The following GSN variants were observed in gnomAD, a reference collection of about 807,000 sequenced individuals.
The protein encoded by GSN is gelsolin.
In GSN, 56 loss-of-function variants were observed where a neutral mutation model predicts 85.7. The observed-to-expected ratio is 0.65, with a 90% CI of 0.53 to 0.82. The LOEUF (loss-of-function observed/expected upper bound fraction) is 0.82, where lower values mean the gene tolerates loss of function less well. Ranked by LOEUF, GSN falls within the 40% of genes least tolerant of loss-of-function variation. The probability of loss-of-function intolerance (pLI) is 0.00; values close to 1 mark genes in which losing one functional copy is unlikely to be tolerated. For missense variants in GSN, 857 were observed against 979.8 expected (o/e 0.87, Z 1.67); for synonymous variants, 373 against 399.1 (o/e 0.93, Z 0.78).
chr9:121,278,849 C>CT (rs1464462509), intron 1 of GSN, among the ~76,000 whole-genome samples: 1 of 152,226 alleles, frequency 6.6e-6, no homozygotes, highest in Non-Finnish European at 1.5e-5. Context: ...AACTCAGCTC[C>CT]TGGGGTGTGT....
chr9:121,215,221 C>A (rs1030511933), intron 4 of GSN, among the ~76,000 whole-genome samples: 2 of 150,200 alleles, frequency 1.3e-5, no homozygotes, highest in Non-Finnish European at 3.0e-5. Flanking sequence ...AAGGACCCCC[C>A]CCCCCACACT....
At chr9:121,273,556 T>C (rs1022097822) in intron 1 of GSN, among the ~76,000 whole-genome samples, 1 of 152,200 alleles carries the variant, frequency 6.6e-6, no homozygotes, top group East Asian at 1.9e-4. Flanking sequence ...TGTTCATAAC[T>C]AACCAGAGAA....
At chr9:121,283,341 A>G (rs571688554) in intron 2 of GSN, 1 of 150,584 alleles carries the variant, frequency 6.6e-6, no homozygotes, top group East Asian at 2.0e-4. Context: ...TGTGGTGCCC[A>G]GGCTGGAGTG....
In GSN at chr9:121,299,068, A is replaced by T. The variant is rs1205083131; in HGVS notation, c.-9-2895A>T. 6.6e-6 allele frequency among the ~76,000 whole-genome samples: 1 copy of T among 152,246 alleles called. No homozygotes were observed. On this transcript the variant is annotated intron_variant, in intron 2 of 17. Coordinates refer to ENST00000432226, the MANE Select transcript of GSN (RefSeq NM_198252.3). This position sits in a 1 kb window ranked among gnomAD's most constrained non-coding sequence, Gnocchi z 4.2. ...GAACCATCAGCTAAAAGAGGTAGAT[A>T]GCAGTGGTTGCCCCTGGGGAGAGGT...
At chr9:121,207,622 T>C (rs892822756), upstream of GSN, among the ~76,000 whole-genome samples, 1 of 152,170 alleles carries the variant, frequency 6.6e-6, no homozygotes, top group African/African-American at 2.4e-5. Context: ...GGATTTTTTG[T>C]ATTGTAGAAT....
At chr9:121,317,491 A>C (rs1402831760) in intron 8 of GSN, 1 of 455,698 alleles carries the variant, frequency 2.2e-6, no homozygotes, top group Non-Finnish European at 4.1e-6. Context: ...GCTAATTGGC[A>C]TCCTGTAGAA....
intron 2 of GSN, among the ~76,000 whole-genome samples, chr9:121,297,287 G>A (rs1368252136): frequency 1.3e-5 from 2 of 152,046 alleles, no homozygotes; most frequent in African/African-American, 4.8e-5. Context: ...AGTATATTAA[G>A]GTATAATTTA....
Position 121,331,436 on chromosome 9 carries a change from G to A in GSN, c.2014G>A (p.Ala672Thr), listed in dbSNP as rs1160089195. 2 of 1,561,222 alleles carry A rather than the reference G, an allele frequency of 1.3e-6. No homozygotes were observed. Among genetic ancestry groups the A allele is most frequent in the Admixed American group, 3.4e-5 (2 of 58,408 alleles). ...KDSQEEEKTE[A>T]LTSAKRYIET... ...TTCTCAAGAAGAAGAAAAGACAGAAGCCTTGACTTCTGGTGAGGACCCGAG... is the reference window on the plus strand; with the variant it reads ...TTCTCAAGAAGAAGAAAAGACAGAAACCTTGACTTCTGGTGAGGACCCGAG... The change falls in exon 17 of 18, where the codon GCC becomes ACC. Residue 672 changes from alanine (A) to threonine (T), a missense_variant. Transcript: ENST00000432226.
chr9:121,222,677 A>G (rs1261992091), intron 4 of GSN, among the ~76,000 whole-genome samples: 5 of 152,248 alleles, frequency 3.3e-5, no homozygotes, highest in East Asian at 1.9e-4. Flanking sequence ...TGGTGAATCC[A>G]TATGGATCTG....
intron 1 of GSN, among the ~76,000 whole-genome samples, chr9:121,277,329 G>A (rs1280477888): frequency 1.3e-5 from 2 of 152,180 alleles, no homozygotes; most frequent in Admixed American, 1.3e-4. Context: ...TTCTAAGATC[G>A]CCTGGGGCTT....
At chr9:121,321,667 G>C (rs988046775) in intron 11 of GSN, among the ~76,000 whole-genome samples, 2 of 152,110 alleles carry the variant, frequency 1.3e-5, no homozygotes, top group Non-Finnish European at 2.9e-5. Context: ...ACAAGTACTA[G>C]GCACACTAGG....
At chr9:121,320,932 AG>A (rs1429717821) in intron 10 of GSN, among the ~76,000 whole-genome samples, 1 of 152,096 alleles carries the variant, frequency 6.6e-6, no homozygotes, top group Non-Finnish European at 1.5e-5. Flanking sequence ...ATGGCCCGGA[AG>A]GGGATGAGGG....
chr9:121,266,243 G>A (rs1188227495), upstream of GSN, among the ~76,000 whole-genome samples: 4 of 152,208 alleles, frequency 2.6e-5, no homozygotes, highest in African/African-American at 9.6e-5. Flanking sequence ...ATTCTCCAAT[G>A]TTTCCTCCAT....
intron 4 of GSN, among the ~76,000 whole-genome samples, chr9:121,215,504 G>A (rs1424822785): frequency 1.3e-5 from 2 of 151,988 alleles, no homozygotes; most frequent in Admixed American, 1.3e-4. Context: ...GACCAGCCTG[G>A]CCAACATGGT....
At chr9:121,319,581 C>A (rs1409431477) in intron 10 of GSN, among the ~76,000 whole-genome samples, 1 of 151,876 alleles carries the variant, frequency 6.6e-6, no homozygotes, top group Admixed American at 6.6e-5. Context: ...CCTCGGCCCC[C>A]CAAAGTGTTG....
intron 4 of GSN, among the ~76,000 whole-genome samples, chr9:121,307,887 C>T (rs1399924892): frequency 6.6e-6 from 1 of 152,228 alleles, no homozygotes; most frequent in African/African-American, 2.4e-5. Context: ...CCCTGCATTG[C>T]CCTGACCTAT....
intron 2 of GSN, among the ~76,000 whole-genome samples, chr9:121,209,570 T>A (rs2053937964): frequency 6.6e-6 from 1 of 152,216 alleles, no homozygotes; most frequent in Admixed American, 6.5e-5. Flanking sequence ...TCTTAGTAGC[T>A]GTGTGGCTTT....
intron 11 of GSN, among the ~76,000 whole-genome samples, chr9:121,322,192 C>G (rs79583720): frequency 0.02 from 3,062 of 152,236 alleles, 50 homozygotes; most frequent in Middle Eastern, 0.051. Context: ...CTGCTTTACT[C>G]TCTTGCATAT....
At chr9:121,276,500 G>T (rs760176437) in intron 1 of GSN, among the ~76,000 whole-genome samples, 2 of 152,204 alleles carry the variant, frequency 1.3e-5, no homozygotes, top group Admixed American at 6.5e-5. Context: ...ATCCCCCAGA[G>T]ACTTTGGTGT....
Sources: allele counts gnomAD v4.1 joint callset (sites outside exome capture counted in the v4.1 genomes callset), GRCh38; gene constraint gnomAD v4.1.1; non-coding constraint Gnocchi (gnomAD v3.1); transcripts MANE v1.5; gene names NCBI Gene and HGNC (gene_info 2026-07-23, HGNC 2026-07-21).